The following PPWD1 variants were observed in gnomAD, a reference collection of about 807,000 sequenced individuals.
PPWD1 encodes peptidylprolyl isomerase domain and WD repeat containing 1.
Under a neutral mutation model 68.8 loss-of-function variants are expected in PPWD1, and 43 were observed. The ratio of observed to expected loss-of-function variants is 0.62; its 90% CI spans 0.49 to 0.81. PPWD1 has a LOEUF of 0.81. Among genes scored for constraint, PPWD1 ranks in the 30% least tolerant of loss-of-function variants. The pLI is 0.00. For missense variants in PPWD1, 672 were observed against 804.8 expected (o/e 0.83, Z 2.00); for synonymous variants, 232 against 258.7 (o/e 0.90, Z 0.99).
intron 9 of PPWD1, among the ~76,000 whole-genome samples, chr5:65,585,398 G>T (rs765233175): frequency 6.6e-6 from 1 of 152,150 alleles, no homozygotes; most frequent in Non-Finnish European, 1.5e-5. Context: ...CCTCTTTGTC[G>T]TGGCTAGATA....
rs781393090 is a variant in PPWD1, at chr5:65,579,424, G to C, written c.1161G>C (p.Arg387=). Residue 387 remains arginine (R), a splice_region_variant and synonymous_variant, in exon 7 of 11, where the codon CGG becomes CGC. Coordinates refer to ENST00000261308, the MANE Select transcript of PPWD1 (RefSeq NM_015342.4). ...GTATAAAACATTGTTATATTTTTAG[G>C]TGTGTGCGGATTTTAGGCAAACAAG... ...GIKVINVETN[R]CVRILGKQEN... 4 of 1,506,784 alleles carry C rather than the reference G, an allele frequency of 2.7e-6. No homozygotes were observed. The highest frequency in any genetic ancestry group is 2.3e-5 in the Admixed American group (1 of 43,384). 93.3% of individuals were successfully genotyped at this position (1,506,784 alleles called of 1,614,324 possible).
At chr5:65,570,469 G>A in intron 4 of PPWD1, 1 of 385,022 alleles carries the variant, frequency 2.6e-6, no homozygotes, top group Non-Finnish European at 3.6e-6. Context: ...TTTGTTTTAA[G>A]CATGTCTTTT....
At chr5:65,563,538 G>T in intron 1 of PPWD1, 32 bp downstream of exon 1, 1 of 1,582,822 alleles carries the variant, frequency 6.3e-7, no homozygotes. Flanking sequence ...GGACGAATTG[G>T]AGTGCTGCGT....
Position 65,567,496 on chromosome 5 carries a change from T to G in PPWD1, c.197-17T>G. 1 of 1,590,800 alleles carries G rather than the reference T, an allele frequency of 6.3e-7. No homozygotes were observed. The highest frequency in any genetic ancestry group is 8.6e-7 in the Non-Finnish European group (1 of 1,169,488). ...TTTGTTAAAAATAGATCTTATACTTTACTTTTTTTTCTTCAGTCTTAGAGT... is the reference window on the plus strand; with the variant it reads ...TTTGTTAAAAATAGATCTTATACTTGACTTTTTTTTCTTCAGTCTTAGAGT... On this transcript the variant is annotated splice_polypyrimidine_tract_variant and intron_variant, in intron 1 of 10. Transcript: ENST00000261308.
At chr5:65,579,861 G>T (rs1753519104) in intron 7 of PPWD1, among the ~76,000 whole-genome samples, 1 of 152,180 alleles carries the variant, frequency 6.6e-6, no homozygotes, top group Non-Finnish European at 1.5e-5. Context: ...TGTTGTTTTA[G>T]ATAGTAGGAA....
chr5:65,578,808 G>GTATATATATATATATATATATATGTA (rs1174295414), intron 6 of PPWD1, among the ~76,000 whole-genome samples: 1 of 123,166 alleles, frequency 8.1e-6, no homozygotes, highest in Admixed American at 7.9e-5. Flanking sequence ...ATATATATGT[G>GTATATATATATATATATATATATGTA]TATATATATA....
At chr5:65,578,229 G>T (rs41354) in intron 6 of PPWD1, among the ~76,000 whole-genome samples, 94,326 of 152,006 alleles carry the variant, frequency 0.62, 29,533 homozygotes, top group South Asian at 0.65. Context: ...TACCACAGTT[G>T]ATCCATTCAC....
At chr5:65,569,603 A>C in intron 2 of PPWD1, 29 bp from the exon 3 acceptor site, 1 of 1,541,814 alleles carries the variant, frequency 6.5e-7, no homozygotes, top group Middle Eastern at 1.7e-4. Flanking sequence ...CTGTCTTAGA[A>C]ATTAACTTTT....
At chr5:65,576,455 C>G in intron 5 of PPWD1, 1 of 550,034 alleles carries the variant, frequency 1.8e-6, no homozygotes, top group Non-Finnish European at 2.3e-6. Flanking sequence ...CGGCTCACTG[C>G]AGCGTCTGCC....
intron 4 of PPWD1, 35 bp from the exon 5 acceptor site, chr5:65,571,804 C>G (rs1044273170): frequency 1.3e-6 from 2 of 1,583,468 alleles, no homozygotes; most frequent in African/African-American, 1.4e-5. Context: ...TTGTGCTGAC[C>G]TTTTTTTTTC....
In PPWD1 at chr5:65,567,594, T is replaced by C. The variant is rs1456413324; in HGVS notation, c.278T>C (p.Ile93Thr). 3 of 1,611,602 alleles carry C rather than the reference T, an allele frequency of 1.9e-6. No individual in the cohort carries two copies. Among genetic ancestry groups the C allele is most frequent in the African/African-American group, 2.7e-5 (2 of 74,852 alleles). Residue 93 changes from isoleucine to threonine, a missense_variant, in exon 2 of 11, where the codon ATC (isoleucine) becomes ACC (threonine). Physicochemically the swap from Ile to Thr is moderately conservative, Grantham distance 89 (BLOSUM62 -1). Coordinates refer to ENST00000261308, the MANE Select transcript of PPWD1 (RefSeq NM_015342.4). ...YERSYMHRDV[I>T]THVVCTKTDF... ...CGCAGTTACATGCATAGAGATGTTATCACCCATGTGGTATGCACCAAGTAA... is the reference window on the plus strand; with the variant it reads ...CGCAGTTACATGCATAGAGATGTTACCACCCATGTGGTATGCACCAAGTAA...
chr5:65,583,944 CCT>C (rs1193427119), intron 8 of PPWD1, among the ~76,000 whole-genome samples: 1 of 151,862 alleles, frequency 6.6e-6, no homozygotes, highest in Non-Finnish European at 1.5e-5. Context: ...AGAGTGAGAC[CCT>C]GTTTCTACAA....
Position 65,569,904 on chromosome 5 carries a change from T to A in PPWD1, c.427T>A (p.Ser143Thr). Residue 143 changes from serine to threonine, a missense_variant, in exon 4 of 11, where the codon TCT (serine) becomes ACT (threonine). By Grantham distance (58) the Ser-to-Thr change is moderately conservative. This residue lies in a region of PPWD1 where 484 missense variants were observed against 646.2 expected (regional missense o/e 0.75). Coordinates refer to ENST00000261308, the MANE Select transcript of PPWD1 (RefSeq NM_015342.4). The stretch of plus-strand genomic sequence containing the variant: ...AGTTATTGAGAGTATTGCAGTTAGC[T>A]CTGAGGGAGCATTGTTCTGTTCTGT... ...LGVIESIAVS[S>T]EGALFCSVGD... The A allele has an allele frequency of 1.2e-6, 2 of 1,610,574 alleles. No individual in the cohort carries two copies. The highest frequency in any genetic ancestry group is 1.7e-6 in the Non-Finnish European group (2 of 1,177,452).
chr5:65,563,334 T>C lies in PPWD1; in HGVS notation c.24T>C (p.Asp8=). Residue 8 remains aspartate (D), a synonymous_variant, in exon 1 of 11, where the codon GAT becomes GAC. Transcript: ENST00000261308. MAAESGS[D]FQQRRRRRRD... is the part of the protein sequence containing the mutation. The stretch of plus-strand genomic sequence containing the variant: ...ACATGGCGGCGGAAAGTGGTAGCGA[T>C]TTTCAGCAGAGACGTAGAAGGCGCC... 6.2e-7 allele frequency: 1 copy of C among 1,613,498 alleles called. No individual in the cohort carries two copies.
At chr5:65,581,633 CACAT>C (rs1313604993) in intron 7 of PPWD1, among the ~76,000 whole-genome samples, 1 of 152,168 alleles carries the variant, frequency 6.6e-6, no homozygotes, top group African/African-American at 2.4e-5. Context: ...ACACTCAAAA[CACAT>C]ACACTAATTT....
rs1406084215 is a variant in PPWD1, at chr5:65,576,843, T to C, written c.970-36T>C. ...GTTGATATAGATATAGGTATATGTA[T>C]ATAGAGTTTTTGTTACTAAATGGTT... On this transcript the variant is annotated intron_variant, in intron 5 of 10. Transcript: ENST00000261308. 4 of 1,599,992 alleles carry C rather than the reference T, an allele frequency of 2.5e-6. 1 individual carries two copies. In the South Asian group the frequency reaches 4.5e-5, roughly 18 times the overall value.
Position 65,563,543 on chromosome 5 carries a change from C to T in PPWD1, c.196+37C>T, listed in dbSNP as rs748458431. On this transcript the variant is annotated intron_variant, in intron 1 of 10. Transcript: ENST00000261308. ...CATAGTACCGGGACGAATTGGAGTG[C>T]TGCGTCCGCTGAGTAGGAGGGTTCA... 2.5e-6 allele frequency: 4 copies of T among 1,571,544 alleles called. No individual in the cohort carries two copies. In the East Asian group the frequency reaches 6.8e-5, roughly 27 times the overall value.
At position 65,578,267 on chromosome 5, in the gene PPWD1, A is replaced by G. The variant is rs148122827; in HGVS notation, c.1161-1157A>G. On this transcript the variant is annotated intron_variant, in intron 6 of 10. Coordinates refer to ENST00000261308, the MANE Select transcript of PPWD1 (RefSeq NM_015342.4). ...ACTGAAAGACATCTTGGTTGCTTCC[A>G]AGTTTTGGCAGTTATGTATAAAAGC... Among the ~76,000 whole-genome samples the G allele has an allele frequency of 1.6e-4, 25 of 152,312 alleles. 1 individual carries two copies. In the East Asian group the frequency reaches 4.8e-3, roughly 29 times the overall value.
chr5:65,583,784 TA>T (rs1554123405), intron 8 of PPWD1, among the ~76,000 whole-genome samples: 1 of 152,000 alleles, frequency 6.6e-6, no homozygotes, highest in African/African-American at 2.4e-5. Flanking sequence ...CTCTATCTCT[TA>T]AAAAAAATTT....
Sources: gnomAD v4.1 joint callset for allele counts (sites outside exome capture counted in the v4.1 genomes callset) on GRCh38, gnomAD v4.1.1 for gene constraint, gnomAD v4.1.1 regional missense constraint, MANE v1.5 for transcripts, NCBI Gene and HGNC (gene_info 2026-07-23, HGNC 2026-07-21) for gene names.